The following FGF12 variants were observed in gnomAD, a reference collection of about 807,000 sequenced individuals.
FGF12 encodes the protein fibroblast growth factor 12.
A neutral mutation model predicts 23.6 loss-of-function variants in FGF12; 14 were observed. That is an observed-to-expected ratio of 0.59 (90% confidence interval 0.39 to 0.93). The LOEUF is 0.93. Ranked by LOEUF, FGF12 falls within the 40% of genes least tolerant of loss-of-function variation. The pLI, the probability that FGF12 is intolerant of heterozygous loss-of-function variation, is 0.00. For missense variants in FGF12, 175 were observed against 217.8 expected (o/e 0.80, Z 1.24); for synonymous variants, 62 against 77.3 (o/e 0.80, Z 1.04).
At chr3:192,382,147 C>T (rs1719843798) in intron 2 of FGF12, among the ~76,000 whole-genome samples, 2 of 152,074 alleles carry the variant, frequency 1.3e-5, no homozygotes, top group Non-Finnish European at 2.9e-5. Flanking sequence ...CAGGCATGTG[C>T]CAACACGCCC....
rs573618741 is a variant in FGF12 at position 192,685,199 on chromosome 3, C to T, written c.13+41982G>A. On this transcript the variant is annotated intron_variant, in intron 2 of 5. Coordinates refer to ENST00000445105, the MANE Select transcript of FGF12 (RefSeq NM_004113.6). ...CCAAGTAGCTGGGATTACAGGGGCC[C>T]GCCACCACGCCCGGCTAATTTTTTT... 1.9e-3 allele frequency among the ~76,000 whole-genome samples: 283 copies of T among 152,072 alleles called. 2 individuals are homozygous for T. Among genetic ancestry groups the T allele is most frequent in the Admixed American group, 5.4e-3 (83 of 15,264 alleles).
chr3:192,304,511 AGAAAG>A (rs968575678), intron 4 of FGF12, among the ~76,000 whole-genome samples: 1 of 152,052 alleles, frequency 6.6e-6, no homozygotes, highest in African/African-American at 2.4e-5. Context: ...TCTCCTGCAT[AGAAAG>A]GAAAGACCAG....
chr3:192,436,429 C>T (rs1485845139), intron 2 of FGF12, among the ~76,000 whole-genome samples: 1 of 152,152 alleles, frequency 6.6e-6, no homozygotes, highest in African/African-American at 2.4e-5. Flanking sequence ...TTCCAGATTT[C>T]CAATTCAAAA....
chr3:192,269,232 T>G (rs796127579), intron 4 of FGF12, among the ~76,000 whole-genome samples: 8 of 152,306 alleles, frequency 5.3e-5, no homozygotes, highest in African/African-American at 1.9e-4. Flanking sequence ...ACTAAGACAT[T>G]TTTAAATAGT....
At position 192,383,610 on chromosome 3, in the gene FGF12, A is replaced by T. The variant is rs79048791; in HGVS notation, c.14-23072T>A. 9.8e-3 allele frequency among the ~76,000 whole-genome samples: 1,492 copies of T among 152,138 alleles called. 28 individuals carry two copies. The highest frequency in any genetic ancestry group is 0.034 in the African/African-American group (1,417 of 41,512). ...AATAATTGGAAAAGAAAGAAAGGAC[A>T]TTATTCTTGGACAAAGGTAGATGAA... On this transcript the variant is annotated intron_variant, in intron 2 of 5. Transcript: ENST00000445105.
chr3:192,676,396 C>T (rs996499454), intron 2 of FGF12, among the ~76,000 whole-genome samples: 1 of 152,188 alleles, frequency 6.6e-6, no homozygotes, highest in Non-Finnish European at 1.5e-5. Context: ...GCCTTAAAAT[C>T]GTGTCTGAGT....
chr3:192,157,525 T>A (rs1714492935), intron 5 of FGF12, among the ~76,000 whole-genome samples: 1 of 152,180 alleles, frequency 6.6e-6, no homozygotes, highest in African/African-American at 2.4e-5. Context: ...GCTTTCTATT[T>A]AATATTTTTC....
At chr3:192,627,595 A>C (rs1039581019) in intron 2 of FGF12, among the ~76,000 whole-genome samples, 1 of 152,170 alleles carries the variant, frequency 6.6e-6, no homozygotes, top group Non-Finnish European at 1.5e-5. Context: ...GCATACAAAT[A>C]TCCTTTTGAG....
intron 3 of FGF12, among the ~76,000 whole-genome samples, chr3:192,342,528 T>C (rs565847829): frequency 6.6e-6 from 1 of 152,232 alleles, no homozygotes; most frequent in Admixed American, 6.5e-5. Context: ...CTCAGCACTT[T>C]GGGAGGCTAA....
chr3:192,519,853 T>C (rs1458693565), intron 2 of FGF12, among the ~76,000 whole-genome samples: 2 of 152,268 alleles, frequency 1.3e-5, no homozygotes, highest in African/African-American at 4.8e-5. Context: ...TTATTTATTT[T>C]GTGGCTAAAA....
chr3:192,245,799 G>A (rs990507741), intron 4 of FGF12, among the ~76,000 whole-genome samples: 1 of 152,118 alleles, frequency 6.6e-6, no homozygotes, highest in Non-Finnish European at 1.5e-5. Context: ...GACTCAGAGA[G>A]GGCTTTACAA....
chr3:192,713,480 C>T (rs1191117226), intron 2 of FGF12, among the ~76,000 whole-genome samples: 1 of 152,084 alleles, frequency 6.6e-6, no homozygotes, highest in African/African-American at 2.4e-5. Flanking sequence ...AAGAAATCAC[C>T]TCAAATGTTA....
intron 2 of FGF12, among the ~76,000 whole-genome samples, chr3:192,429,949 T>C (rs1721812407): frequency 6.6e-6 from 1 of 152,194 alleles, no homozygotes; most frequent in Non-Finnish European, 1.5e-5. Context: ...AGATTTTCAA[T>C]GGTAATAAAA....
chr3:192,464,542 GTGTA>G lies in FGF12; in HGVS notation c.14-104008_14-104005del, dbSNP rs1277171829. Among the ~76,000 whole-genome samples the G allele has an allele frequency of 9.9e-5, 14 of 141,344 alleles. No individual in the cohort carries two copies. The South Asian group carries it at 3.0e-3, about 30-fold the overall frequency. The allele number at this position is 141,344 out of a possible 152,430, so 92.7% of individuals were successfully genotyped here. ...TGTGTGTGTGTGTGTGTGTGTGTGT[GTGTA>G]TGACATTTTCTTTATGCACTCATTG... On this transcript the variant is annotated intron_variant, in intron 2 of 5. Transcript: ENST00000445105.
At chr3:192,249,586 G>A (rs983699726) in intron 4 of FGF12, among the ~76,000 whole-genome samples, 4 of 151,854 alleles carry the variant, frequency 2.6e-5, no homozygotes, top group Admixed American at 6.6e-5. Context: ...GAATGACTTT[G>A]TGAAAACTCC....
chr3:192,568,085 G>A (rs774678688), intron 2 of FGF12, among the ~76,000 whole-genome samples: 18 of 151,832 alleles, frequency 1.2e-4, no homozygotes, highest in Non-Finnish European at 2.5e-4. Flanking sequence ...TGCCTGCCTG[G>A]GCCTCCCAAA....
At chr3:192,646,875 C>T (rs6765623) in intron 2 of FGF12, among the ~76,000 whole-genome samples, 88,066 of 151,908 alleles carry the variant, frequency 0.58, 25,882 homozygotes, top group East Asian at 0.67. Flanking sequence ...GTAAATTATA[C>T]ATCAATAAAG....
intron 2 of FGF12, among the ~76,000 whole-genome samples, chr3:192,421,322 G>A (rs1721519496): frequency 6.6e-6 from 1 of 151,842 alleles, no homozygotes; most frequent in African/African-American, 2.4e-5. Context: ...CTTTTGGAAG[G>A]GTTCTGGAAC....
intron 2 of FGF12, among the ~76,000 whole-genome samples, chr3:192,386,611 G>C (rs1168828295): frequency 6.6e-6 from 1 of 152,078 alleles, no homozygotes; most frequent in African/African-American, 2.4e-5. Context: ...TTAAAGGAAG[G>C]CTCTGATAAA....
Sources: gnomAD v4.1 joint callset for allele counts (sites outside exome capture counted in the v4.1 genomes callset) on GRCh38, gnomAD v4.1.1 for gene constraint, MANE v1.5 for transcripts, NCBI Gene and HGNC (gene_info 2026-07-23, HGNC 2026-07-21) for gene names.